FANCA: variants seen among roughly 807,000 people sequenced by gnomAD.
FANCA encodes the protein FA complementation group A.
FANCA carries 236 observed loss-of-function variants against 194.3 expected under a neutral mutation model. The ratio of observed to expected loss-of-function variants is 1.21; its 90% CI spans 1.09 to 1.35. The LOEUF (loss-of-function observed/expected upper bound fraction) is 1.35, where lower values mean the gene tolerates loss of function less well. Ranked by LOEUF, FANCA falls within the 40% of genes most tolerant of loss-of-function variation. The pLI, the probability that FANCA is intolerant of heterozygous loss-of-function variation, is 0.00. For synonymous variants in FANCA, 1,014 were observed against 715.8 expected (o/e 1.42, Z -6.65); for missense variants, 2,628 against 1,813.9 (o/e 1.45, Z -8.15).
At chr16:89,762,579 A>AG (rs2038989099) in intron 28 of FANCA, 1 of 223,190 alleles carries the variant, frequency 4.5e-6, no homozygotes, top group South Asian at 4.7e-5. Flanking sequence ...GAAAAAAAAA[A>AG]AAAAGAAAAA....
chr16:89,749,636 G>T lies in FANCA; in HGVS notation c.3239+94C>A, dbSNP rs1006163359. The stretch of plus-strand genomic sequence containing the variant: ...GGGACACACAGACAAGTAAGTAACG[G>T]GAAACAAACTCACTACAAAGAACCT... On this transcript the variant is annotated intron_variant, in intron 32 of 42. Coordinates refer to ENST00000389301, the MANE Select transcript of FANCA (RefSeq NM_000135.4). The T allele has an allele frequency of 2.7e-6, 4 of 1,469,788 alleles. No homozygotes were observed. The African/African-American group carries it at 5.6e-5, about 21-fold the overall frequency. 91.0% of individuals were successfully genotyped at this position (1,469,788 alleles called of 1,614,324 possible). A position where few individuals can be genotyped will look rare whatever the true frequency, so the allele number is the denominator to read the frequency against.
chr16:89,778,561 G>A, intron 20 of FANCA: 2 of 495,480 alleles, frequency 4.0e-6, no homozygotes, highest in Middle Eastern at 5.6e-4. Context: ...CTAAGATGTG[G>A]AGGTTGCAGT....
At chr16:89,740,381 T>C in intron 38 of FANCA, 3 of 505,628 alleles carry the variant, frequency 5.9e-6, no homozygotes. Context: ...GGCTCATGCC[T>C]GTAATCCCAA....
At position 89,808,646 on chromosome 16, in the gene FANCA, C is replaced by G. The variant is rs3743857; in HGVS notation, c.523-279G>C. Among the ~76,000 whole-genome samples, 358 of 152,276 alleles carry G rather than the reference C, an allele frequency of 2.4e-3. 6 individuals carry two copies. In the East Asian group the frequency reaches 0.036, roughly 15 times the overall value. ...CTACGCACTGTAGCCTACTTCTAAC[C>G]CTTTCTCCACACTACAGCCAACACA... On this transcript the variant is annotated intron_variant, in intron 5 of 42. Coordinates refer to ENST00000389301, the MANE Select transcript of FANCA (RefSeq NM_000135.4).
intron 15 of FANCA, among the ~76,000 whole-genome samples, chr16:89,783,505 C>T (rs1254244543): frequency 6.6e-6 from 1 of 150,642 alleles, no homozygotes; most frequent in African/African-American, 2.4e-5. Context: ...GAGCCGAGAT[C>T]GCGCCACTGC....
rs764028075 is a variant in FANCA, at chr16:89,779,015, A to G, written c.1716-12T>C. The G allele has an allele frequency of 6.2e-7, 1 of 1,612,700 alleles. No homozygotes were observed. The highest frequency in any genetic ancestry group is 8.5e-7 in the Non-Finnish European group (1 of 1,179,806). On this transcript the variant is annotated splice_polypyrimidine_tract_variant and intron_variant, in intron 18 of 42. Coordinates refer to ENST00000389301, the MANE Select transcript of FANCA (RefSeq NM_000135.4). ...GCCTCCTGAATATGCTGCAACACAG[A>G]GAAGCAGACAGTGCATCAGTCAGAG...
At chr16:89,797,574 G>A (rs994642840) in intron 10 of FANCA, among the ~76,000 whole-genome samples, 1 of 152,096 alleles carries the variant, frequency 6.6e-6, no homozygotes, top group Non-Finnish European at 1.5e-5. Context: ...GTTGGAGGAT[G>A]TCTGATTTTA....
chr16:89,756,295 G>T (rs1018393144), intron 30 of FANCA, among the ~76,000 whole-genome samples: 1 of 152,100 alleles, frequency 6.6e-6, no homozygotes, highest in African/African-American at 2.4e-5. Context: ...AGTGCAAATC[G>T]AAACCACTAT....
intron 11 of FANCA, among the ~76,000 whole-genome samples, chr16:89,794,092 A>C (rs202018890): frequency 1.4e-5 from 1 of 73,256 alleles, no homozygotes; most frequent in East Asian, 1.7e-3. Context: ...ACAGATCTTA[A>C]TATGTACTTT....
At chr16:89,739,607 G>A in intron 39 of FANCA, 54 bp from the exon 40 acceptor site, 1 of 1,538,288 alleles carries the variant, frequency 6.5e-7, no homozygotes, top group Non-Finnish European at 8.8e-7. Flanking sequence ...CCTATTATCA[G>A]TGCTGGGGAC....
chr16:89,741,340 C>G (rs1257505575), intron 37 of FANCA, among the ~76,000 whole-genome samples: 1 of 152,246 alleles, frequency 6.6e-6, no homozygotes, highest in Non-Finnish European at 1.5e-5. Context: ...AACAAAACTA[C>G]ACAAGAAACC....
chr16:89,769,480 G>A (rs912638622), intron 26 of FANCA, among the ~76,000 whole-genome samples: 4 of 152,156 alleles, frequency 2.6e-5, no homozygotes, highest in African/African-American at 7.2e-5. Flanking sequence ...ATGGGGTGCC[G>A]AAGAACCTGA....
intron 15 of FANCA, among the ~76,000 whole-genome samples, chr16:89,783,937 T>G (rs542604251): frequency 6.6e-6 from 1 of 152,158 alleles, no homozygotes; most frequent in South Asian, 2.1e-4. Context: ...AATTTTGTAT[T>G]TTCAGTAGAC....
Position 89,803,321 on chromosome 16 carries a change from A to C in FANCA, c.730T>G (p.Leu244Val). Residue 244 changes from leucine to valine, a missense_variant, in exon 8 of 43, where the codon TTG (leucine) becomes GTG (valine). Physicochemically the swap from Leu to Val is conservative, Grantham distance 32 (BLOSUM62 1). Transcript: ENST00000389301. ...MLSDFVQMFV[L>V]RGFQKNSDLR... ...TCTGAGTTTTTCTGAAATCCCCTCA[A>C]AACAAACATTTGAACAAAATCTGAA... 6.2e-7 allele frequency: 1 copy of C among 1,614,138 alleles called. No individual in the cohort carries two copies.
chr16:89,770,796 G>C (rs2039297882), intron 23 of FANCA, among the ~76,000 whole-genome samples, 162 bp from the exon 24 acceptor site: 1 of 152,198 alleles, frequency 6.6e-6, no homozygotes. Context: ...CTGGTGCCCA[G>C]GGCCCCCATT....
chr16:89,778,503 T>A, intron 20 of FANCA: 1 of 372,614 alleles, frequency 2.7e-6, no homozygotes, highest in Non-Finnish European at 4.9e-6. Flanking sequence ...AGGCACAGGC[T>A]TGTAATCCCA....
chr16:89,738,503 G>A lies in FANCA; in HGVS notation c.*98C>T, dbSNP rs1292978855. 18 of 1,567,744 alleles carry A rather than the reference G, an allele frequency of 1.1e-5. No individual in the cohort carries two copies. The stretch of plus-strand genomic sequence containing the variant: ...CTTTCCCCACTAAAGCAGTCGAGGA[G>A]ATTTGTAATCCACTTTTTAGTGCAA... On this transcript the variant is annotated 3_prime_UTR_variant, in exon 43 of 43. Transcript: ENST00000389301.
intron 6 of FANCA, among the ~76,000 whole-genome samples, chr16:89,807,770 C>T (rs890048309): frequency 2.6e-5 from 4 of 152,136 alleles, no homozygotes; most frequent in African/African-American, 9.7e-5. Flanking sequence ...GTAGTCCCAG[C>T]TACTCGGGAA....
intron 5 of FANCA, among the ~76,000 whole-genome samples, chr16:89,809,762 A>T (rs1291360828): frequency 6.6e-6 from 1 of 151,896 alleles, no homozygotes; most frequent in African/African-American, 2.4e-5. Context: ...CTGAGGCGGG[A>T]GAATGGCGTG....
Sources: gnomAD v4.1 joint callset for allele counts (sites outside exome capture counted in the v4.1 genomes callset) on GRCh38, gnomAD v4.1.1 for gene constraint, MANE v1.5 for transcripts, NCBI Gene and HGNC (gene_info 2026-07-23, HGNC 2026-07-21) for gene names.